Variants in ZNF804B observed in about 807,000 individuals in gnomAD.
ZNF804B encodes zinc finger 804B.
A neutral mutation model predicts 101.4 loss-of-function variants in ZNF804B; 80 were observed. The observed-to-expected ratio is 0.79, with a 90% CI of 0.66 to 0.95. The LOEUF (loss-of-function observed/expected upper bound fraction) is 0.95. Among genes scored for constraint, ZNF804B ranks in the 40% least tolerant of loss-of-function variants. The pLI is 0.00. For missense variants in ZNF804B, 1,673 were observed against 1,561.9 expected, an observed-to-expected ratio of 1.07 and a Z score of -1.20; for synonymous variants, 622 against 558.8, an observed-to-expected ratio of 1.11 and a Z score of -1.59.
chr7:89,194,125 C>T (rs548425956), intron 1 of ZNF804B, among the ~76,000 whole-genome samples: 1 of 151,944 alleles, frequency 6.6e-6, no homozygotes, highest in Admixed American at 6.6e-5. Context: ...TCAGAAGTGT[C>T]TGTTCTTGTC....
intron 1 of ZNF804B, among the ~76,000 whole-genome samples, chr7:88,888,454 A>T (rs947197320): frequency 6.6e-6 from 1 of 152,030 alleles, no homozygotes; most frequent in African/African-American, 2.4e-5. Flanking sequence ...ATCACCAATG[A>T]TTTACGTATT....
chr7:88,850,866 A>G (rs552332900), intron 1 of ZNF804B, among the ~76,000 whole-genome samples: 1 of 152,288 alleles, frequency 6.6e-6, no homozygotes, highest in South Asian at 2.1e-4. Flanking sequence ...GTAAAACTGT[A>G]TTAAAACATT....
chr7:89,130,336 GC>G (rs1790529669), intron 1 of ZNF804B, among the ~76,000 whole-genome samples: 2 of 151,900 alleles, frequency 1.3e-5, no homozygotes, highest in African/African-American at 4.8e-5. Flanking sequence ...TAGGAAGCCA[GC>G]TTGGAAGAAA....
At chr7:89,167,883 G>T (rs528299651) in intron 1 of ZNF804B, among the ~76,000 whole-genome samples, 16 of 151,836 alleles carry the variant, frequency 1.1e-4, no homozygotes, top group South Asian at 2.1e-4. Context: ...GGAAACTAAA[G>T]AAACCACAAA....
chr7:88,858,333 C>T (rs1472036661), intron 1 of ZNF804B, among the ~76,000 whole-genome samples: 2 of 151,940 alleles, frequency 1.3e-5, no homozygotes, highest in Non-Finnish European at 1.5e-5. Context: ...AATTTTATCA[C>T]TTATTGGAAG....
intron 1 of ZNF804B, among the ~76,000 whole-genome samples, chr7:89,073,522 TC>T (rs1789572112): frequency 6.6e-6 from 1 of 152,200 alleles, no homozygotes; most frequent in South Asian, 2.1e-4. Context: ...TTGCTAGATT[TC>T]CTGTATCAGA....
At chr7:89,140,755 T>C (rs1042574212) in intron 1 of ZNF804B, among the ~76,000 whole-genome samples, 20 of 152,114 alleles carry the variant, frequency 1.3e-4, no homozygotes, top group African/African-American at 4.8e-4. Context: ...TGTAAAACTT[T>C]CTTGTTATCA....
chr7:89,107,083 G>C (rs1790146955), intron 1 of ZNF804B, among the ~76,000 whole-genome samples: 1 of 152,036 alleles, frequency 6.6e-6, no homozygotes, highest in African/African-American at 2.4e-5. Context: ...GAAAATGAAT[G>C]AATTCTTCAA....
chr7:88,994,079 A>G (rs927176521), intron 1 of ZNF804B, among the ~76,000 whole-genome samples: 1 of 151,928 alleles, frequency 6.6e-6, no homozygotes, highest in Non-Finnish European at 1.5e-5. Context: ...TTGATTCTTC[A>G]TCTTACATAC....
chr7:89,074,358 T>TC (rs1260725471), intron 1 of ZNF804B, among the ~76,000 whole-genome samples: 1 of 152,172 alleles, frequency 6.6e-6, no homozygotes, highest in Non-Finnish European at 1.5e-5. Flanking sequence ...TTCCCATGTG[T>TC]CATGAGAGGA....
intron 1 of ZNF804B, among the ~76,000 whole-genome samples, chr7:89,174,501 TG>T: frequency 6.6e-6 from 1 of 152,208 alleles, no homozygotes; most frequent in South Asian, 2.1e-4. Context: ...TCTCTGTTGA[TG>T]GACACACAAG....
chr7:88,809,241 G>A (rs543907346), intron 1 of ZNF804B, among the ~76,000 whole-genome samples: 1 of 152,068 alleles, frequency 6.6e-6, no homozygotes, highest in African/African-American at 2.4e-5. Context: ...ATCTTACCAA[G>A]TTTTATATAA....
chr7:89,024,772 A>G (rs1230371537), intron 1 of ZNF804B, among the ~76,000 whole-genome samples: 1 of 151,658 alleles, frequency 6.6e-6, no homozygotes, highest in Non-Finnish European at 1.5e-5. Context: ...CTATGGAGCC[A>G]TCAACTCCCC....
intron 1 of ZNF804B, among the ~76,000 whole-genome samples, chr7:88,850,233 G>A (rs1321184530): frequency 7.2e-5 from 11 of 152,084 alleles, no homozygotes; most frequent in Admixed American, 7.2e-4. Context: ...TTTACTTCCT[G>A]GATAAAGTTT....
intron 1 of ZNF804B, among the ~76,000 whole-genome samples, chr7:89,037,550 C>A (rs576965728): frequency 6.6e-6 from 1 of 150,696 alleles, no homozygotes; most frequent in African/African-American, 2.5e-5. Flanking sequence ...GTTTATAGTG[C>A]ACAATGTAAT....
intron 1 of ZNF804B, among the ~76,000 whole-genome samples, chr7:89,163,247 T>C (rs992905905): frequency 2.6e-5 from 4 of 152,304 alleles, no homozygotes; most frequent in African/African-American, 9.6e-5. Context: ...CCACGGATTT[T>C]GTACCTATTG....
intron 1 of ZNF804B, among the ~76,000 whole-genome samples, chr7:89,205,911 CCACCCCTGCAG>C: frequency 6.6e-6 from 1 of 152,196 alleles, no homozygotes; most frequent in South Asian, 2.1e-4. Flanking sequence ...CCACAAGGCC[CCACCCCTGCAG>C]CAAACTTCTA....
In ZNF804B at chr7:88,966,534, C is replaced by T. The variant is rs973594375; in HGVS notation, c.108+206450C>T. On this transcript the variant is annotated intron_variant, in intron 1 of 3. Coordinates refer to ENST00000333190, the MANE Select transcript of ZNF804B (RefSeq NM_181646.5). ...AATATTTATTGATATAGAAGAGTGA[C>T]GGCTCAGCCTTTATGTATTAGATAA... Among the ~76,000 whole-genome samples the T allele has an allele frequency of 4.6e-5, 7 of 151,458 alleles. No individual in the cohort carries two copies. The East Asian group carries it at 5.9e-4, about 13-fold the overall frequency.
At chr7:89,198,435 A>G (rs962123854) in intron 1 of ZNF804B, among the ~76,000 whole-genome samples, 1 of 151,954 alleles carries the variant, frequency 6.6e-6, no homozygotes, top group East Asian at 1.9e-4. Context: ...GTAAGACTAC[A>G]TATTTTCTTC....
Sources: gnomAD v4.1 joint callset for allele counts (sites outside exome capture counted in the v4.1 genomes callset) on GRCh38, gnomAD v4.1.1 for gene constraint, MANE v1.5 for transcripts, NCBI Gene and HGNC (gene_info 2026-07-23, HGNC 2026-07-21) for gene names.